The following DNAH8 variants were observed in gnomAD, a reference collection of about 807,000 sequenced individuals.
The protein encoded by DNAH8 is dynein axonemal heavy chain 8, also known as axonemal beta dynein heavy chain 8.
Under a neutral mutation model 562.1 loss-of-function variants are expected in DNAH8, and 382 were observed. The observed-to-expected ratio is 0.68, with a 90% CI of 0.63 to 0.74. The LOEUF is 0.74. DNAH8 is among the 30% of genes least tolerant of loss of function. The probability of loss-of-function intolerance (pLI) is 0.00; values close to 1 mark genes in which losing one functional copy is unlikely to be tolerated. For synonymous variants in DNAH8, 1,881 were observed against 1,919.4 expected (o/e 0.98, Z 0.52); for missense variants, 5,203 against 5,620.4 (o/e 0.93, Z 2.37).
rs1320250141 is a variant in DNAH8, at chr6:38,805,611, A to C, written c.3150+15A>C. 1.4e-6 allele frequency: 2 copies of C among 1,379,436 alleles called. No individual in the cohort carries two copies. The highest frequency in any genetic ancestry group is 2.1e-6 in the Non-Finnish European group (2 of 969,638). 85.4% of individuals were successfully genotyped at this position (1,379,436 alleles called of 1,614,324 possible). On this transcript the variant is annotated intron_variant, in intron 23 of 92. Transcript: ENST00000327475. ...AATTTAAAAAGGTATTTATTGTGGA[A>C]CAACTTCATGCAATTCACAGAATTA... is the stretch of plus-strand genomic sequence containing the variant.
chr6:38,759,735 C>G (rs562943583), intron 10 of DNAH8, among the ~76,000 whole-genome samples: 1 of 152,212 alleles, frequency 6.6e-6, no homozygotes, highest in South Asian at 2.1e-4. Context: ...CCCCAACCCC[C>G]CAGGTGTTGT....
chr6:38,889,917 C>T (rs867436832), intron 57 of DNAH8, among the ~76,000 whole-genome samples: 4 of 152,258 alleles, frequency 2.6e-5, no homozygotes, highest in South Asian at 2.1e-4. Flanking sequence ...ATACCATGCT[C>T]AGAACTGAAC....
intron 92 of DNAH8, among the ~76,000 whole-genome samples, chr6:39,026,983 G>A (rs1369206816): frequency 6.6e-6 from 1 of 152,200 alleles, no homozygotes; most frequent in Non-Finnish European, 1.5e-5. Flanking sequence ...CACTTTGGGA[G>A]GCTGAGGCAG....
chr6:38,986,900 C>T (rs1320465875), intron 87 of DNAH8, among the ~76,000 whole-genome samples: 1 of 152,252 alleles, frequency 6.6e-6, no homozygotes, highest in Non-Finnish European at 1.5e-5. Flanking sequence ...GTCTATTAGA[C>T]ATCCAAATCA....
intron 10 of DNAH8, among the ~76,000 whole-genome samples, chr6:38,761,163 G>C (rs893426017): frequency 4.0e-5 from 6 of 149,528 alleles, no homozygotes; most frequent in Middle Eastern, 3.5e-3. Flanking sequence ...ACAATGTGCA[G>C]GTTTGTTACA....
chr6:38,936,483 C>T (rs1315348765), intron 77 of DNAH8: 1 of 152,182 alleles, frequency 6.6e-6, no homozygotes, highest in Non-Finnish European at 1.5e-5. Flanking sequence ...AACCTGAATT[C>T]TACTACCTTA....
chr6:38,865,903 G>C (rs1168482726), intron 45 of DNAH8, among the ~76,000 whole-genome samples: 1 of 152,156 alleles, frequency 6.6e-6, no homozygotes, highest in Non-Finnish European at 1.5e-5. Context: ...TAACAAACTT[G>C]CCTAAAATAA....
intron 88 of DNAH8, among the ~76,000 whole-genome samples, chr6:38,993,509 C>A (rs759874493): frequency 2.6e-5 from 4 of 152,138 alleles, no homozygotes; most frequent in Non-Finnish European, 5.9e-5. Flanking sequence ...AAAGTTACAA[C>A]TTTAAGTTGT....
intron 21 of DNAH8, among the ~76,000 whole-genome samples, chr6:38,801,031 A>G (rs1770734831): frequency 6.6e-6 from 1 of 151,994 alleles, no homozygotes; most frequent in Admixed American, 6.6e-5. Context: ...TCTTTGATGC[A>G]CAAAAGTTTT....
At position 38,866,735 on chromosome 6, in the gene DNAH8, A is replaced by G. The variant is rs747847424; in HGVS notation, c.6586-34A>G. 7 of 1,594,480 alleles carry G rather than the reference A, an allele frequency of 4.4e-6. No individual in the cohort carries two copies. In the Admixed American group the frequency reaches 6.7e-5, roughly 15 times the overall value. On this transcript the variant is annotated intron_variant, in intron 46 of 92. Coordinates refer to ENST00000327475, the MANE Select transcript of DNAH8 (RefSeq NM_001206927.2). The stretch of plus-strand genomic sequence containing the variant: ...TTATGTTCTTTACTTGTTTTTCACT[A>G]AAGTTGAAAAAAACTCACTATATTA...
chr6:38,920,555 A>G (rs1475209799), intron 70 of DNAH8, among the ~76,000 whole-genome samples: 3 of 152,190 alleles, frequency 2.0e-5, no homozygotes, highest in Non-Finnish European at 2.9e-5. Flanking sequence ...TTGGATTGTT[A>G]CCAAAGTAAC....
rs112532306 is a variant in DNAH8, at chr6:38,754,103, T to C, written c.1408-1869T>C. On this transcript the variant is annotated intron_variant, in intron 9 of 92. Coordinates refer to ENST00000327475, the MANE Select transcript of DNAH8 (RefSeq NM_001206927.2). Reference sequence around the variant, plus strand: ...TTTTATGTATGTTTCATTTTTTTAATCACCCTGGTATTGTGCTTTAGGCAT... The same window carrying C: ...TTTTATGTATGTTTCATTTTTTTAACCACCCTGGTATTGTGCTTTAGGCAT... Among the ~76,000 whole-genome samples the C allele has an allele frequency of 8.4e-4, 128 of 152,328 alleles. 1 individual carries two copies. The highest frequency in any genetic ancestry group is 2.9e-3 in the African/African-American group (122 of 41,588).
At chr6:38,757,679 A>T (rs1236789684) in intron 10 of DNAH8, among the ~76,000 whole-genome samples, 1 of 152,168 alleles carries the variant, frequency 6.6e-6, no homozygotes, top group African/African-American at 2.4e-5. Context: ...TCTTTAATCC[A>T]TCTTGAATTA....
chr6:38,786,131 A>T (rs1456738445), intron 17 of DNAH8, among the ~76,000 whole-genome samples: 1 of 152,232 alleles, frequency 6.6e-6, no homozygotes, highest in Non-Finnish European at 1.5e-5. Context: ...ACCCAGTAAG[A>T]ACTGCTTGGG....
At chr6:38,871,787 T>C (rs1777485086) in intron 49 of DNAH8, among the ~76,000 whole-genome samples, 1 of 152,172 alleles carries the variant, frequency 6.6e-6, no homozygotes, top group Non-Finnish European at 1.5e-5. Flanking sequence ...AGCCATTTTG[T>C]TGGCAGGCAC....
At chr6:38,732,701 A>G (rs945670360) in intron 4 of DNAH8, among the ~76,000 whole-genome samples, 6 of 152,000 alleles carry the variant, frequency 3.9e-5, no homozygotes, top group African/African-American at 1.5e-4. Context: ...CTTTATGTGT[A>G]TTCATTCAAG....
In DNAH8 at chr6:38,803,221, A is replaced by G. The variant is rs1171155557; in HGVS notation, c.2944A>G (p.Lys982Glu). 6.2e-7 allele frequency: 1 copy of G among 1,609,142 alleles called. No homozygotes were observed. The highest frequency in any genetic ancestry group is 8.5e-7 in the Non-Finnish European group (1 of 1,177,122). Residue 982 changes from lysine to glutamate, a missense_variant, in exon 22 of 93, where the codon AAG becomes GAG. This residue lies in a region of DNAH8 where 2,176 missense variants were observed against 2,365.1 expected (regional missense o/e 0.92). Transcript: ENST00000327475. ...GGCTGACATTCTAAACCACAAAAGT[A>G]AGCATGTGGAAGAAGCTGTCAGAGA... ...EWADILNHKS[K>E]HVEEAVRELI...
chr6:38,793,106 G>A (rs1769909067), intron 21 of DNAH8, among the ~76,000 whole-genome samples: 1 of 151,834 alleles, frequency 6.6e-6, no homozygotes, highest in Admixed American at 6.6e-5. Context: ...TCTCAGTTTT[G>A]GGGTCTTGAC....
chr6:38,775,827 T>A lies in DNAH8; in HGVS notation c.1838T>A (p.Met613Lys). ...SNSTIEGIDI[M>K]AIKFRNIYQG... Reference sequence around the variant, plus strand: ...TCTACCATAGAAGGAATAGATATTATGGCAATAAAATTCAGAAATATATAC... The same window carrying A: ...TCTACCATAGAAGGAATAGATATTAAGGCAATAAAATTCAGAAATATATAC... Residue 613 changes from methionine to lysine, a missense_variant, in exon 13 of 93, where the codon ATG (methionine) becomes AAG (lysine). Met to Lys is a moderately conservative substitution (Grantham distance 95). This residue lies in a region of DNAH8 where 2,176 missense variants were observed against 2,365.1 expected (regional missense o/e 0.92). Transcript: ENST00000327475. 6.2e-7 allele frequency: 1 copy of A among 1,601,406 alleles called. No individual in the cohort carries two copies. The highest frequency in any genetic ancestry group is 8.6e-7 in the Non-Finnish European group (1 of 1,168,708).
Sources: gnomAD v4.1 joint callset for allele counts (sites outside exome capture counted in the v4.1 genomes callset) on GRCh38, gnomAD v4.1.1 for gene constraint, gnomAD v4.1.1 regional missense constraint, MANE v1.5 for transcripts, NCBI Gene and HGNC (gene_info 2026-07-23, HGNC 2026-07-21) for gene names.